The following CSMD3 variants were observed in gnomAD, a reference collection of about 807,000 sequenced individuals.
CSMD3 encodes the protein CUB and sushi domain-containing protein 3.
CSMD3 carries 177 observed loss-of-function variants against 435.2 expected under a neutral mutation model. The observed-to-expected ratio is 0.41, with a 90% CI of 0.36 to 0.46. CSMD3 has a LOEUF of 0.46. CSMD3 is among the 20% of genes least tolerant of loss of function. The pLI is 0.34. For missense variants in CSMD3, 4,265 were observed against 4,504.6 expected, an observed-to-expected ratio of 0.95 and a Z score of 1.52; for synonymous variants, 1,656 against 1,520.5, an observed-to-expected ratio of 1.09 and a Z score of -2.07.
intron 10 of CSMD3, among the ~76,000 whole-genome samples, chr8:112,894,242 T>C (rs936276971): frequency 6.6e-6 from 1 of 151,424 alleles, no homozygotes; most frequent in African/African-American, 2.4e-5. Flanking sequence ...TGTATCAGCA[T>C]ATAGACCCAG....
chr8:112,918,168 C>T (rs145376420), intron 10 of CSMD3, among the ~76,000 whole-genome samples: 264 of 151,778 alleles, frequency 1.7e-3, no homozygotes, highest in Middle Eastern at 0.01. Flanking sequence ...ATCTAGAATA[C>T]CTACTCATGT....
intron 4 of CSMD3, among the ~76,000 whole-genome samples, chr8:113,139,532 A>C (rs2131723535): frequency 6.6e-6 from 1 of 151,156 alleles, no homozygotes; most frequent in African/African-American, 2.4e-5. Flanking sequence ...AGCCGTGATA[A>C]ATTATGTAAA....
intron 13 of CSMD3, among the ~76,000 whole-genome samples, chr8:112,701,092 C>G (rs2076379196): frequency 6.6e-6 from 1 of 152,110 alleles, no homozygotes; most frequent in Non-Finnish European, 1.5e-5. Context: ...TAGAAATACA[C>G]CTCCCAAGCT....
At chr8:112,343,013 ATATT>A (rs1825317712) in intron 41 of CSMD3, among the ~76,000 whole-genome samples, 1 of 92,738 alleles carries the variant, frequency 1.1e-5, no homozygotes, top group African/African-American at 3.2e-5. Flanking sequence ...ATATATATAT[ATATT>A]TATATATATA....
At chr8:112,811,349 A>G (rs7817596) in intron 12 of CSMD3, among the ~76,000 whole-genome samples, 125,788 of 152,016 alleles carry the variant, frequency 0.83, 52,273 homozygotes, top group East Asian at 0.9. Context: ...TAGAAAACCT[A>G]AAGTTGTAGA....
chr8:112,522,450 G>A (rs771986543), intron 27 of CSMD3, among the ~76,000 whole-genome samples: 26 of 151,742 alleles, frequency 1.7e-4, no homozygotes, highest in South Asian at 1.2e-3. Flanking sequence ...CATAGCATTC[G>A]TCATTAAGTA....
intron 19 of CSMD3, 42 bp downstream of exon 19, chr8:112,650,119 G>T (rs2131631159): frequency 7.3e-7 from 1 of 1,360,894 alleles, no homozygotes; most frequent in Non-Finnish European, 1.1e-6. Flanking sequence ...TGATTTTTCT[G>T]TTTATAAATC....
intron 6 of CSMD3, among the ~76,000 whole-genome samples, chr8:112,997,580 T>G (rs2085700624): frequency 6.6e-6 from 1 of 151,546 alleles, no homozygotes; most frequent in Admixed American, 6.6e-5. Context: ...AGGTGAGAAT[T>G]TGATGGTCAA....
intron 13 of CSMD3, among the ~76,000 whole-genome samples, chr8:112,700,959 C>A (rs559729851): frequency 6.6e-6 from 1 of 152,238 alleles, no homozygotes; most frequent in East Asian, 1.9e-4. Context: ...CCACATGGCT[C>A]ACATAATTAA....
At chr8:112,735,745 A>G (rs867903030) in intron 13 of CSMD3, among the ~76,000 whole-genome samples, 1 of 152,040 alleles carries the variant, frequency 6.6e-6, no homozygotes, top group Non-Finnish European at 1.5e-5. Flanking sequence ...AGGCAACGTC[A>G]TTCTCATATT....
At chr8:113,390,225 C>G (rs1315598179) in intron 1 of CSMD3, among the ~76,000 whole-genome samples, 2 of 151,792 alleles carry the variant, frequency 1.3e-5, no homozygotes, top group Non-Finnish European at 1.5e-5. Context: ...TTATTTATTT[C>G]TATCCTCTGA....
chr8:112,695,197 A>C, intron 13 of CSMD3, among the ~76,000 whole-genome samples: 1 of 152,156 alleles, frequency 6.6e-6, no homozygotes, highest in East Asian at 1.9e-4. Flanking sequence ...GCACCAATTT[A>C]ATGTGTATCT....
chr8:113,058,354 T>TGC (rs1417534675), intron 5 of CSMD3, among the ~76,000 whole-genome samples: 8 of 151,984 alleles, frequency 5.3e-5, no homozygotes, highest in Non-Finnish European at 1.0e-4. Flanking sequence ...AAATAAAATA[T>TGC]GCATACTTTA....
At chr8:112,461,466 A>G (rs989574047) in intron 32 of CSMD3, among the ~76,000 whole-genome samples, 2 of 152,214 alleles carry the variant, frequency 1.3e-5, no homozygotes, top group African/African-American at 2.4e-5. Flanking sequence ...TTCCCATATC[A>G]ACATCTTAAA....
At chr8:112,249,731 A>C (rs532364309) in intron 63 of CSMD3, among the ~76,000 whole-genome samples, 3 of 152,110 alleles carry the variant, frequency 2.0e-5, no homozygotes, top group African/African-American at 7.2e-5. Flanking sequence ...TTAACATTGA[A>C]CTTTTGTATC....
At chr8:112,832,240 T>G (rs2132491238) in intron 11 of CSMD3, among the ~76,000 whole-genome samples, 1 of 152,296 alleles carries the variant, frequency 6.6e-6, no homozygotes, top group African/African-American at 2.4e-5. Context: ...TCCAATATTC[T>G]AATCCCTCGG....
At chr8:113,293,393 G>A (rs762135647) in intron 2 of CSMD3, among the ~76,000 whole-genome samples, 28 of 151,718 alleles carry the variant, frequency 1.8e-4, no homozygotes, top group Non-Finnish European at 1.3e-4. Context: ...TTTGCTTCTG[G>A]TAGCAACTGT....
intron 9 of CSMD3, among the ~76,000 whole-genome samples, chr8:112,925,652 A>C (rs746088730): frequency 6.6e-6 from 1 of 152,064 alleles, no homozygotes. Flanking sequence ...GTTAAGATGG[A>C]GCAGTAAGAG....
intron 1 of CSMD3, among the ~76,000 whole-genome samples, chr8:113,420,211 A>G (rs2094603174): frequency 6.6e-6 from 1 of 152,196 alleles, no homozygotes; most frequent in Admixed American, 6.5e-5. Context: ...GCCTTGCCCC[A>G]CATCATATCA....
Sources: allele counts gnomAD v4.1 joint callset (sites outside exome capture counted in the v4.1 genomes callset), GRCh38; gene constraint gnomAD v4.1.1; transcripts MANE v1.5; gene names NCBI Gene and HGNC (gene_info 2026-07-23, HGNC 2026-07-21).